Variants in QRSL1 observed in about 807,000 individuals in gnomAD.
QRSL1 encodes the protein glutamyl-tRNA(Gln) amidotransferase subunit A, mitochondrial.
Under a neutral mutation model 61.6 loss-of-function variants are expected in QRSL1, and 54 were observed. The observed-to-expected ratio is 0.88, with a 90% CI of 0.70 to 1.10. The LOEUF (loss-of-function observed/expected upper bound fraction) is 1.10. Among genes scored for constraint, QRSL1 ranks in the 50% least tolerant of loss-of-function variants. The probability of loss-of-function intolerance (pLI) is 0.00; values close to 1 mark genes in which losing one functional copy is unlikely to be tolerated. For synonymous variants in QRSL1, 228 were observed against 225.7 expected (o/e 1.01, Z -0.09); for missense variants, 505 against 622.6 (o/e 0.81, Z 2.01).
rs1314662610 is a variant in QRSL1 at position 106,666,456 on chromosome 6, CAATT to C, written c.*458_*461del. ...GAATTACTTTTTAAAATTCCTGTGA[CAATT>C]AATAATAAATAACGTGTCAGCATTT... On this transcript the variant is annotated 3_prime_UTR_variant, in exon 11 of 11. Coordinates refer to ENST00000369046, the MANE Select transcript of QRSL1 (RefSeq NM_018292.5). The C allele has an allele frequency of 1.2e-5, 2 of 169,410 alleles. No individual in the cohort carries two copies. Among genetic ancestry groups the C allele is most frequent in the South Asian group, 1.3e-4 (1 of 7,910 alleles). 10.5% of individuals were successfully genotyped at this position (169,410 alleles called of 1,614,324 possible).
intron 5 of QRSL1, among the ~76,000 whole-genome samples, chr6:106,650,244 G>A (rs1166866616): frequency 2.6e-5 from 4 of 152,172 alleles, no homozygotes; most frequent in Admixed American, 2.0e-4. Flanking sequence ...TAATTCCTAT[G>A]GAAATGTAAG....
At chr6:106,660,331 C>A (rs1328530851) in intron 9 of QRSL1, among the ~76,000 whole-genome samples, 2 of 118,796 alleles carry the variant, frequency 1.7e-5, no homozygotes, top group Admixed American at 1.0e-4. Flanking sequence ...ACACTCCCCA[C>A]CCCCCCCGTG....
Position 106,663,097 on chromosome 6 carries a change from G to A in QRSL1, c.1278G>A (p.Glu426=). The change falls in exon 10 of 11, where the codon GAG becomes GAA. Residue 426 remains glutamate, a synonymous_variant. Transcript: ENST00000369046. ...TGCTAACTCCCACCACCTTGAGTGA[G>A]GCAGTACCATACTTGGAGTTCATCA... ...DVLLTPTTLS[E]AVPYLEFIKE... 6.2e-7 allele frequency: 1 copy of A among 1,614,114 alleles called. No homozygotes were observed. Among genetic ancestry groups the A allele is most frequent in the South Asian group, 1.1e-5 (1 of 91,084 alleles).
Position 106,647,274 on chromosome 6 carries a change from A to G in QRSL1, c.381-1751A>G, listed in dbSNP as rs1777123221. Among the ~76,000 whole-genome samples the G allele has an allele frequency of 7.9e-5, 12 of 152,274 alleles. No homozygotes were observed. In the South Asian group the frequency reaches 2.5e-3, roughly 32 times the overall value. The stretch of plus-strand genomic sequence containing the variant: ...AAGATTTAAGAAGACGTTTCATCAG[A>G]GATTAAAACATAGTTGACAAACACA... On this transcript the variant is annotated intron_variant, in intron 4 of 10. Transcript: ENST00000369046.
intron 4 of QRSL1, among the ~76,000 whole-genome samples, chr6:106,645,429 C>CTT (rs770177768): frequency 2.7e-5 from 4 of 145,818 alleles, no homozygotes; most frequent in Non-Finnish European, 1.5e-5. Context: ...TGTTTCTTTT[C>CTT]TTTTTTTTTT....
rs1387031301 is a variant in QRSL1, at chr6:106,667,711, G to T, written c.*1709G>T. 1 of 151,978 alleles carries T rather than the reference G, an allele frequency of 6.6e-6. No homozygotes were observed. The highest frequency in any genetic ancestry group is 1.5e-5 in the Non-Finnish European group (1 of 67,994). 9.4% of individuals were successfully genotyped at this position (151,978 alleles called of 1,614,324 possible). ...TCAACCTGATTAACTTCACATAAAA[G>T]TCTTATGTGCCAGGCTTAGTAATAT... On this transcript the variant is annotated 3_prime_UTR_variant, in exon 11 of 11. Coordinates refer to ENST00000369046, the MANE Select transcript of QRSL1 (RefSeq NM_018292.5).
chr6:106,651,420 A>ATT (rs1777186758), intron 5 of QRSL1, among the ~76,000 whole-genome samples: 1 of 152,194 alleles, frequency 6.6e-6, no homozygotes, highest in South Asian at 2.1e-4. Context: ...GAAACTTTAA[A>ATT]ACACAATCTG....
At chr6:106,639,416 G>T (rs1331622033) in intron 1 of QRSL1, among the ~76,000 whole-genome samples, 1 of 152,082 alleles carries the variant, frequency 6.6e-6, no homozygotes, top group Non-Finnish European at 1.5e-5. Context: ...GAGCCACTGC[G>T]CCCGGCCAGT....
chr6:106,642,886 T>C (rs1409432629), intron 3 of QRSL1, 108 bp from the exon 4 acceptor site: 1 of 856,566 alleles, frequency 1.2e-6, no homozygotes, highest in Non-Finnish European at 2.0e-6. Flanking sequence ...ATGGGAAGGC[T>C]CCTGAGCTGT....
chr6:106,630,968 T>G (rs891442395), intron 1 of QRSL1, among the ~76,000 whole-genome samples: 1 of 152,232 alleles, frequency 6.6e-6, no homozygotes, highest in African/African-American at 2.4e-5. Context: ...GGCTCACGCC[T>G]GTAATCCCAG....
intron 5 of QRSL1, 129 bp downstream of exon 5, chr6:106,649,330 A>T (rs1306902615): frequency 1.2e-6 from 1 of 848,814 alleles, no homozygotes; most frequent in African/African-American, 1.7e-5. Context: ...GCTCAAAGGT[A>T]TATCAAAATT....
At chr6:106,634,619 A>T (rs897153830) in intron 1 of QRSL1, among the ~76,000 whole-genome samples, 3 of 152,152 alleles carry the variant, frequency 2.0e-5, no homozygotes, top group African/African-American at 7.2e-5. Flanking sequence ...TACAAAAATT[A>T]GCTGGGCATG....
chr6:106,644,578 T>C (rs1032449573), intron 4 of QRSL1, among the ~76,000 whole-genome samples: 2 of 152,204 alleles, frequency 1.3e-5, no homozygotes, highest in Admixed American at 6.5e-5. Context: ...TGGAGTGCAA[T>C]GGCACGATCT....
intron 2 of QRSL1, 42 bp from the exon 3 acceptor site, chr6:106,640,776 ATATTT>A (rs759678415): frequency 1.4e-5 from 21 of 1,480,024 alleles, no homozygotes; most frequent in Admixed American, 3.5e-5. Flanking sequence ...ATGTATCTTT[ATATTT>A]TAAACTATCT....
chr6:106,656,956 A>G (rs1777281013), intron 9 of QRSL1, among the ~76,000 whole-genome samples: 1 of 152,174 alleles, frequency 6.6e-6, no homozygotes, highest in Non-Finnish European at 1.5e-5. Context: ...ATGCCAGGCC[A>G]CAGGATTACT....
At chr6:106,641,000 A>T in intron 3 of QRSL1, 79 bp downstream of exon 3, 1 of 946,058 alleles carries the variant, frequency 1.1e-6, no homozygotes, top group Non-Finnish European at 1.7e-6. Context: ...AAGTACCAAG[A>T]TAATCTCAGA....
At chr6:106,659,605 G>C (rs1473321729) in intron 9 of QRSL1, among the ~76,000 whole-genome samples, 2 of 151,840 alleles carry the variant, frequency 1.3e-5, no homozygotes, top group Non-Finnish European at 2.9e-5. Flanking sequence ...TTTCATGTCT[G>C]TATATTGTGA....
At chr6:106,654,358 A>C (rs563391818) in intron 7 of QRSL1, among the ~76,000 whole-genome samples, 163 of 152,346 alleles carry the variant, frequency 1.1e-3, no homozygotes, top group African/African-American at 3.7e-3. Flanking sequence ...TCAAAAAAAA[A>C]AAAAAGAAAA....
At chr6:106,654,670 C>A in intron 7 of QRSL1, 60 bp from the exon 8 acceptor site, 1 of 1,428,240 alleles carries the variant, frequency 7.0e-7, no homozygotes, top group Non-Finnish European at 9.5e-7. Flanking sequence ...AGATGAAGTA[C>A]AAATTTTTAT....
Sources: gnomAD v4.1 joint callset for allele counts (sites outside exome capture counted in the v4.1 genomes callset) on GRCh38, gnomAD v4.1.1 for gene constraint, MANE v1.5 for transcripts, NCBI Gene and HGNC (gene_info 2026-07-23, HGNC 2026-07-21) for gene names.